Variants in ADAMTSL3 observed in about 807,000 individuals in gnomAD.
The protein encoded by ADAMTSL3 is ADAMTS like 3, also known as ADAMTS-like protein 3.
Under a neutral mutation model 201.7 loss-of-function variants are expected in ADAMTSL3, and 128 were observed. The ratio of observed to expected loss-of-function variants is 0.63; its 90% confidence interval spans 0.55 to 0.73. ADAMTSL3 has a LOEUF of 0.73. Among genes scored for constraint, ADAMTSL3 ranks in the 30% least tolerant of loss-of-function variants. The pLI, the probability that ADAMTSL3 is intolerant of heterozygous loss-of-function variation, is 0.00. For missense variants in ADAMTSL3, 1,990 were observed against 2,119.6 expected (o/e 0.94, Z 1.20); for synonymous variants, 738 against 748.4 (o/e 0.99, Z 0.23).
chr15:83,848,311 T>C (rs964919761), intron 7 of ADAMTSL3, among the ~76,000 whole-genome samples: 10 of 152,266 alleles, frequency 6.6e-5, no homozygotes, highest in Non-Finnish European at 1.5e-4. Flanking sequence ...GGTTGAACTT[T>C]ATAGTGAAAA....
At chr15:83,872,598 CCACACACACA>C (rs149299146) in intron 9 of ADAMTSL3, among the ~76,000 whole-genome samples, 3 of 46,498 alleles carry the variant, frequency 6.5e-5, no homozygotes, top group Non-Finnish European at 1.3e-4. Context: ...AAAATATACA[CCACACACACA>C]CACACACACA....
intron 23 of ADAMTSL3, among the ~76,000 whole-genome samples, chr15:84,004,570 A>T (rs1319887957): frequency 6.6e-6 from 1 of 152,154 alleles, no homozygotes; most frequent in Non-Finnish European, 1.5e-5. Context: ...GAGTGAGTAA[A>T]CAGGAGTAAA....
At chr15:83,817,446 A>T (rs919727604) in intron 5 of ADAMTSL3, among the ~76,000 whole-genome samples, 1 of 152,224 alleles carries the variant, frequency 6.6e-6, no homozygotes, top group African/African-American at 2.4e-5. Flanking sequence ...TTCTCAGAGC[A>T]GAGTGGGAAA....
At chr15:84,014,020 G>A (rs2068046812) in intron 23 of ADAMTSL3, among the ~76,000 whole-genome samples, 1 of 152,200 alleles carries the variant, frequency 6.6e-6, no homozygotes, top group Non-Finnish European at 1.5e-5. Context: ...CCTTTACAAA[G>A]AATTAATGAA....
chr15:83,864,828 C>G (rs1436672909), intron 8 of ADAMTSL3, among the ~76,000 whole-genome samples: 1 of 152,196 alleles, frequency 6.6e-6, no homozygotes, highest in Non-Finnish European at 1.5e-5. Flanking sequence ...CAAATTGTCC[C>G]TGTTTGCAGA....
chr15:83,881,728 G>A (rs2086441), intron 9 of ADAMTSL3, among the ~76,000 whole-genome samples: 45,569 of 151,894 alleles, frequency 0.3, 7,914 homozygotes, highest in Admixed American at 0.44. Context: ...GATAGTGTGC[G>A]CCTGTAATCA....
intron 8 of ADAMTSL3, among the ~76,000 whole-genome samples, chr15:83,866,598 G>A (rs143677661): frequency 0.011 from 1,712 of 152,038 alleles, 29 homozygotes; most frequent in African/African-American, 0.039. Context: ...ATCACACACC[G>A]GGTCCTGTTG....
chr15:83,756,121 T>A (rs1421403480), intron 3 of ADAMTSL3, among the ~76,000 whole-genome samples: 1 of 152,208 alleles, frequency 6.6e-6, no homozygotes, highest in Non-Finnish European at 1.5e-5. Flanking sequence ...CATATGATAA[T>A]ACATCAGACT....
chr15:83,694,725 C>G (rs1006040875), intron 2 of ADAMTSL3, among the ~76,000 whole-genome samples: 3 of 152,172 alleles, frequency 2.0e-5, no homozygotes, highest in Non-Finnish European at 4.4e-5. Flanking sequence ...CAGCCAGAGC[C>G]TTTGGGCCTT....
At chr15:83,803,966 A>T (rs2141861927) in intron 4 of ADAMTSL3, among the ~76,000 whole-genome samples, 1 of 152,272 alleles carries the variant, frequency 6.6e-6, no homozygotes, top group Non-Finnish European at 1.5e-5. Context: ...AACATGGTGT[A>T]ACCCCGTCTC....
intron 3 of ADAMTSL3, among the ~76,000 whole-genome samples, chr15:83,708,761 A>G (rs1375335791): frequency 6.6e-6 from 1 of 152,226 alleles, no homozygotes; most frequent in African/African-American, 2.4e-5. Context: ...CAGAGTGTTA[A>G]TTGGATCATT....
intron 2 of ADAMTSL3, among the ~76,000 whole-genome samples, chr15:83,660,009 A>G (rs987404895): frequency 2.6e-5 from 4 of 152,160 alleles, no homozygotes; most frequent in Non-Finnish European, 5.9e-5. Context: ...TTGTTTTAAG[A>G]CCTAAATTTG....
At chr15:83,715,069 G>C (rs1425647464) in intron 3 of ADAMTSL3, among the ~76,000 whole-genome samples, 1 of 152,006 alleles carries the variant, frequency 6.6e-6, no homozygotes, top group Non-Finnish European at 1.5e-5. Context: ...GTCAAACAGT[G>C]CACTCAGTTT....
intron 17 of ADAMTSL3, among the ~76,000 whole-genome samples, chr15:83,927,413 C>CTTTT (rs2066269517): frequency 1.3e-5 from 2 of 152,074 alleles, no homozygotes; most frequent in African/African-American, 4.8e-5. Context: ...CGCACCTGGC[C>CTTTT]CATGAATCCT....
intron 13 of ADAMTSL3, among the ~76,000 whole-genome samples, chr15:83,893,300 A>G (rs990972669): frequency 6.6e-6 from 1 of 152,208 alleles, no homozygotes; most frequent in African/African-American, 2.4e-5. Context: ...AATGTAAACA[A>G]GCAAGAACCT....
chr15:83,735,387 C>T (rs2062354069), intron 3 of ADAMTSL3, among the ~76,000 whole-genome samples: 1 of 152,020 alleles, frequency 6.6e-6, no homozygotes, highest in Non-Finnish European at 1.5e-5. Context: ...ACAACTGTTC[C>T]TTATTTTAAC....
chr15:83,755,276 C>T (rs913136258), intron 3 of ADAMTSL3, among the ~76,000 whole-genome samples: 2 of 152,044 alleles, frequency 1.3e-5, no homozygotes, highest in African/African-American at 4.8e-5. Flanking sequence ...TTAACATTTA[C>T]CATTGTAACC....
chr15:84,006,319 G>A (rs2067894027), intron 23 of ADAMTSL3, among the ~76,000 whole-genome samples: 1 of 152,150 alleles, frequency 6.6e-6, no homozygotes, highest in South Asian at 2.1e-4. Context: ...AAAAAGTAAT[G>A]CAGAATTCTG....
chr15:83,741,836 A>G (rs1438249373), intron 3 of ADAMTSL3, among the ~76,000 whole-genome samples: 1 of 152,052 alleles, frequency 6.6e-6, no homozygotes, highest in African/African-American at 2.4e-5. Context: ...TTATCTACAA[A>G]CAAAATCAAA....
Sources: allele counts gnomAD v4.1 joint callset (sites outside exome capture counted in the v4.1 genomes callset), GRCh38; gene constraint gnomAD v4.1.1; transcripts MANE v1.5; gene names NCBI Gene and HGNC (gene_info 2026-07-23, HGNC 2026-07-21).